The following SATL1 variants were observed in gnomAD, a reference collection of about 807,000 sequenced individuals.
SATL1 encodes the protein spermidine/spermine N1-acetyl transferase like 1.
SATL1 carries 47 observed loss-of-function variants against 51.8 expected under a neutral mutation model. That is an observed-to-expected ratio of 0.91 (90% CI 0.72 to 1.16). The LOEUF is 1.16. Ranked by LOEUF, SATL1 falls within the 50% of genes most tolerant of loss-of-function variation. The pLI is 0.00. For missense variants in SATL1, 520 were observed against 526.4 expected (o/e 0.99, Z 0.12); for synonymous variants, 176 against 182.4 (o/e 0.97, Z 0.28).
At chrX:85,166,933 ATATGTGTATG>A (rs1569240618) in intron 2 of SATL1, among the ~76,000 whole-genome samples, 2 of 87,925 alleles carry the variant, frequency 2.3e-5, no homozygotes, top group Non-Finnish European at 4.1e-5. Flanking sequence ...ATATATATAT[ATATGTGTATG>A]TGTGTGTGTG....
At chrX:85,221,641 G>A (rs1928179391) in intron 2 of SATL1, among the ~76,000 whole-genome samples, 1 of 111,933 alleles carries the variant, frequency 8.9e-6, no homozygotes, top group African/African-American at 3.3e-5. Flanking sequence ...TTATAAATAA[G>A]TCTTTGGAAT....
intron 2 of SATL1, among the ~76,000 whole-genome samples, chrX:85,135,251 T>C (rs911721207): frequency 8.1e-5 from 9 of 110,598 alleles, no homozygotes; most frequent in African/African-American, 3.0e-4. Context: ...GATGGGTTGA[T>C]CTGTGAAGCA....
In SATL1 at chrX:85,092,286, T is replaced by G; in HGVS notation, c.*105A>C. The stretch of plus-strand genomic sequence containing the variant: ...TAAAAGATCTGCTCAAACAAGAATG[T>G]GATGATCACTTGCTGTATTGTACAA... On this transcript the variant is annotated 3_prime_UTR_variant, in exon 8 of 8. Coordinates refer to ENST00000644105, the MANE Select transcript of SATL1 (RefSeq NM_001367857.2). 2 of 854,596 alleles carry G rather than the reference T, an allele frequency of 2.3e-6. No homozygotes were observed. Among genetic ancestry groups the G allele is most frequent in the Admixed American group, 8.0e-5 (2 of 24,978 alleles). 70.4% of individuals were successfully genotyped at this position (854,596 alleles called of 1,213,427 possible). A position where few individuals can be genotyped will look rare whatever the true frequency, so the allele number is the denominator to read the frequency against.
At chrX:85,188,995 A>C (rs2147743837) in intron 2 of SATL1, among the ~76,000 whole-genome samples, 1 of 112,371 alleles carries the variant, frequency 8.9e-6, no homozygotes, top group South Asian at 3.7e-4. Flanking sequence ...TGAATAAAGT[A>C]AATTTTTGAT....
At chrX:85,182,186 A>G (rs1389672302) in intron 2 of SATL1, among the ~76,000 whole-genome samples, 2 of 111,126 alleles carry the variant, frequency 1.8e-5, no homozygotes, top group Non-Finnish European at 3.8e-5. Flanking sequence ...CTGGAAATTA[A>G]TCCTTCTATC....
At chrX:85,241,294 C>T (rs1057182951) in intron 1 of SATL1, among the ~76,000 whole-genome samples, 1 of 110,168 alleles carries the variant, frequency 9.1e-6, no homozygotes, top group Admixed American at 9.7e-5. Context: ...AGAAGGAGGG[C>T]GGGCAAGTGC....
intron 2 of SATL1, among the ~76,000 whole-genome samples, chrX:85,222,230 C>A (rs1928191714): frequency 8.9e-6 from 1 of 111,835 alleles, no homozygotes; most frequent in South Asian, 3.7e-4. Context: ...GTTTCATCTT[C>A]TCTAAAGTGA....
chrX:85,177,367 G>A (rs1927101990), intron 2 of SATL1, among the ~76,000 whole-genome samples: 1 of 111,746 alleles, frequency 8.9e-6, no homozygotes, highest in South Asian at 3.7e-4. Context: ...CAACTTTTTT[G>A]TAGGTCAATT....
In SATL1 at chrX:85,145,192, T is replaced by C. The variant is rs772451968; in HGVS notation, c.-312-35912A>G. 1.3e-4 allele frequency among the ~76,000 whole-genome samples: 14 copies of C among 111,980 alleles called. No homozygotes were observed. In the East Asian group the frequency reaches 2.8e-3, roughly 22 times the overall value. ...ATGAAGAGAGCATTATTAATAATTA[T>C]TCTGGGACAACAGGCATAAACTGGA... On this transcript the variant is annotated intron_variant, in intron 2 of 7. Transcript: ENST00000644105.
At chrX:85,187,006 CA>C (rs1364696357) in intron 2 of SATL1, among the ~76,000 whole-genome samples, 3 of 111,886 alleles carry the variant, frequency 2.7e-5, no homozygotes, top group African/African-American at 9.7e-5. Context: ...CATCCATGGG[CA>C]TGGGCTATTT....
At chrX:85,184,748 C>A (rs1649532816) in intron 2 of SATL1, among the ~76,000 whole-genome samples, 1 of 111,563 alleles carries the variant, frequency 9.0e-6, no homozygotes, top group Non-Finnish European at 1.9e-5. Flanking sequence ...TTTTGAATTT[C>A]TTTGTGTTTC....
At chrX:85,196,659 G>T (rs1927568690) in intron 2 of SATL1, among the ~76,000 whole-genome samples, 1 of 111,799 alleles carries the variant, frequency 8.9e-6, no homozygotes, top group Non-Finnish European at 1.9e-5. Context: ...GATCAATGGA[G>T]TAGAACTGAG....
chrX:85,173,329 A>G (rs928598206), intron 2 of SATL1, among the ~76,000 whole-genome samples: 8 of 111,335 alleles, frequency 7.2e-5, no homozygotes, highest in South Asian at 3.7e-4. Flanking sequence ...CATCAAGTAA[A>G]AAATAGGAAA....
At chrX:85,129,490 T>C (rs750622159) in intron 2 of SATL1, among the ~76,000 whole-genome samples, 2 of 112,154 alleles carry the variant, frequency 1.8e-5, no homozygotes, top group Admixed American at 9.5e-5. Context: ...TTTTACACAG[T>C]GATTTTGTAT....
At chrX:85,172,631 C>A (rs1319427055) in intron 2 of SATL1, among the ~76,000 whole-genome samples, 1 of 111,040 alleles carries the variant, frequency 9.0e-6, no homozygotes, top group South Asian at 3.7e-4. Context: ...CATATAGGCA[C>A]GTCTTATGCA....
chrX:85,137,614 T>A (rs1273975198), intron 2 of SATL1, among the ~76,000 whole-genome samples: 1 of 111,729 alleles, frequency 9.0e-6, no homozygotes, highest in African/African-American at 3.3e-5. Flanking sequence ...TTCAGCAGTT[T>A]AAATTATATA....
chrX:85,154,634 A>G (rs1048878047), intron 2 of SATL1, among the ~76,000 whole-genome samples: 4 of 112,389 alleles, frequency 3.6e-5, no homozygotes, highest in African/African-American at 1.3e-4. Context: ...TTACAGGCCT[A>G]ACTCTGAACC....
At chrX:85,119,584 G>A (rs970224024) in intron 2 of SATL1, among the ~76,000 whole-genome samples, 4 of 111,238 alleles carry the variant, frequency 3.6e-5, no homozygotes, top group Non-Finnish European at 7.5e-5. Context: ...AATAAATATC[G>A]CTTTAAATAT....
At chrX:85,132,371 C>G (rs1925829986) in intron 2 of SATL1, among the ~76,000 whole-genome samples, 1 of 109,839 alleles carries the variant, frequency 9.1e-6, no homozygotes, top group African/African-American at 3.3e-5. Context: ...TTTTTCTAAA[C>G]TTCTCTTATC....
Sources: gnomAD v4.1 joint callset for allele counts (sites outside exome capture counted in the v4.1 genomes callset) on GRCh38, gnomAD v4.1.1 for gene constraint, MANE v1.5 for transcripts, NCBI Gene and HGNC (gene_info 2026-07-23, HGNC 2026-07-21) for gene names.